DNAJC10: variants seen among roughly 807,000 people sequenced by gnomAD.
DNAJC10 encodes DnaJ heat shock protein family (Hsp40) member C10, also known as endoplasmic reticulum disulfide reductase DNAJC10.
DNAJC10 carries 101 observed loss-of-function variants against 115.0 expected under a neutral mutation model. That is an observed-to-expected ratio of 0.88 (90% CI 0.75 to 1.04). DNAJC10 has a LOEUF of 1.04. DNAJC10 is among the 50% of genes least tolerant of loss of function. The probability of loss-of-function intolerance (pLI) is 0.00; values close to 1 mark genes in which losing one functional copy is unlikely to be tolerated. For synonymous variants in DNAJC10, 307 were observed against 301.5 expected (o/e 1.02, Z -0.19); for missense variants, 981 against 928.8 (o/e 1.06, Z -0.73).
intron 16 of DNAJC10, among the ~76,000 whole-genome samples, chr2:182,752,810 T>C (rs531405185): frequency 2.0e-5 from 3 of 152,124 alleles, no homozygotes; most frequent in African/African-American, 4.8e-5. Context: ...AGTGACACCA[T>C]GGATATGAAA....
At chr2:182,737,483 T>G (rs1246902186) in intron 11 of DNAJC10, among the ~76,000 whole-genome samples, 1 of 152,194 alleles carries the variant, frequency 6.6e-6, no homozygotes, top group Non-Finnish European at 1.5e-5. Context: ...CATCCAGATC[T>G]CTACTGAAAT....
intron 6 of DNAJC10, 33 bp downstream of exon 6, chr2:182,728,691 T>G: frequency 1.9e-6 from 3 of 1,566,710 alleles, no homozygotes; most frequent in Non-Finnish European, 2.6e-6. Context: ...TTACTAGTTT[T>G]ATTTCTAATT....
rs909339498 is a variant in DNAJC10 at position 182,791,013 on chromosome 2, T to C, written c.*13881T>C. On this transcript the variant is annotated 3_prime_UTR_variant, in exon 24 of 24. Coordinates refer to ENST00000264065, the MANE Select transcript of DNAJC10 (RefSeq NM_018981.4). ...TCACTATTTTGATATTTAAATGTTA[T>C]GACTTATTTTCAAGTAAATATTTTT... 6.6e-6 allele frequency: 1 copy of C among 152,160 alleles called. No individual in the cohort carries two copies. The highest frequency in any genetic ancestry group is 1.5e-5 in the Non-Finnish European group (1 of 68,024). The allele number at this position is 152,160 out of a possible 1,614,324, so 9.4% of individuals were successfully genotyped here. A position where few individuals can be genotyped will look rare whatever the true frequency, so the allele number is the denominator to read the frequency against.
At chr2:182,755,584 A>G (rs1177460752) in intron 17 of DNAJC10, among the ~76,000 whole-genome samples, 1 of 151,994 alleles carries the variant, frequency 6.6e-6, no homozygotes, top group African/African-American at 2.4e-5. Flanking sequence ...CCTCTGACGT[A>G]ATGTTTTGTC....
chr2:182,771,535 T>C (rs1694563728), intron 22 of DNAJC10, among the ~76,000 whole-genome samples: 1 of 152,220 alleles, frequency 6.6e-6, no homozygotes. Flanking sequence ...GAAATTCATC[T>C]TCTTCCTGGT....
Position 182,792,403 on chromosome 2 carries a change from A to G in DNAJC10, c.*15271A>G, listed in dbSNP as rs1037577873. On this transcript the variant is annotated 3_prime_UTR_variant, in exon 24 of 24. Transcript: ENST00000264065. ...ATATTCCAATTTCTTTCCTTCCCCA[A>G]GGCTTTTCATTACAGCTGTTATAAA... is the stretch of plus-strand genomic sequence containing the variant. 1.3e-5 allele frequency: 2 copies of G among 152,168 alleles called. No homozygotes were observed. The highest frequency in any genetic ancestry group is 4.8e-5 in the African/African-American group (2 of 41,438). The allele number at this position is 152,168 out of a possible 1,614,324, so 9.4% of individuals were successfully genotyped here.
At chr2:182,751,609 A>T (rs1283273553) in intron 14 of DNAJC10, 49 bp from the exon 15 acceptor site, 2 of 1,590,296 alleles carry the variant, frequency 1.3e-6, no homozygotes, top group Non-Finnish European at 1.7e-6. Flanking sequence ...GTCTCTGTGC[A>T]TACAAAAAGC....
intron 16 of DNAJC10, 155 bp from the exon 17 acceptor site, chr2:182,754,848 T>C: frequency 7.3e-7 from 1 of 1,371,108 alleles, no homozygotes; most frequent in Non-Finnish European, 9.6e-7. Flanking sequence ...ATAAGTCCTT[T>C]GCTAAATTTG....
intron 18 of DNAJC10, among the ~76,000 whole-genome samples, chr2:182,756,692 G>A (rs1045125398): frequency 6.0e-5 from 9 of 150,854 alleles, no homozygotes; most frequent in Non-Finnish European, 1.0e-4. Flanking sequence ...TTTTTTGGTC[G>A]GGTAGCAGGG....
chr2:182,729,155 A>T, intron 7 of DNAJC10, 161 bp downstream of exon 7: 6 of 643,934 alleles, frequency 9.3e-6, no homozygotes, highest in Non-Finnish European at 1.4e-5. Flanking sequence ...TGGATTATGA[A>T]TTTTTTTTTT....
intron 19 of DNAJC10, among the ~76,000 whole-genome samples, chr2:182,758,031 A>C (rs1344866019): frequency 6.6e-6 from 1 of 152,208 alleles, no homozygotes; most frequent in Non-Finnish European, 1.5e-5. Flanking sequence ...TAGTCTAGAC[A>C]AAAAGATAAG....
At position 182,752,066 on chromosome 2, in the gene DNAJC10, T is replaced by A; in HGVS notation, c.1435-6T>A. ...TCGGTGCTTATGAATATTTTTTCTT[T>A]CCTAGTGGTGTCCACCATGTCGAGC... On this transcript the variant is annotated splice_region_variant and splice_polypyrimidine_tract_variant and intron_variant, in intron 15 of 23. Coordinates refer to ENST00000264065, the MANE Select transcript of DNAJC10 (RefSeq NM_018981.4). The A allele has an allele frequency of 3.1e-6, 5 of 1,603,720 alleles. No homozygotes were observed. The South Asian group carries it at 5.6e-5, about 18-fold the overall frequency.
chr2:182,761,121 A>G (rs772230215), intron 21 of DNAJC10, among the ~76,000 whole-genome samples: 1 of 152,162 alleles, frequency 6.6e-6, no homozygotes, highest in African/African-American at 2.4e-5. Context: ...AAGAAATTCC[A>G]TGTCTTTAAG....
chr2:182,757,813 C>A lies in DNAJC10; in HGVS notation c.1931C>A (p.Ala644Asp). The stretch of plus-strand genomic sequence containing the variant: ...TTTTTTCCCCCAAAATCAAATAAAG[C>A]TTATCATTATCAGTAAGTATTCTCT... ...IRFFPPKSNK[A>D]YHYHSYNGWN... The change falls in exon 19 of 24, where the codon GCT (alanine) becomes GAT (aspartate). Residue 644 changes from alanine to aspartate, a missense_variant. Transcript: ENST00000264065. 6.7e-7 allele frequency: 1 copy of A among 1,493,550 alleles called. No homozygotes were observed. Among genetic ancestry groups the A allele is most frequent in the East Asian group, 2.3e-5 (1 of 44,024 alleles). 92.5% of individuals were successfully genotyped at this position (1,493,550 alleles called of 1,614,324 possible).
chr2:182,754,903 T>C, intron 16 of DNAJC10, 100 bp from the exon 17 acceptor site: 2 of 1,283,168 alleles, frequency 1.6e-6, no homozygotes, highest in Non-Finnish European at 2.1e-6. Context: ...AATGGGTTTT[T>C]AAAATCTTGT....
intron 7 of DNAJC10, 25 bp from the exon 8 acceptor site, chr2:182,729,823 T>A (rs1360409166): frequency 6.8e-7 from 1 of 1,465,034 alleles, no homozygotes; most frequent in Admixed American, 2.2e-5. Flanking sequence ...GTAAAAGATG[T>A]TTCTCTTCTT....
At chr2:182,775,209 A>G in intron 22 of DNAJC10, 107 bp from the exon 23 acceptor site, 1 of 731,590 alleles carries the variant, frequency 1.4e-6, no homozygotes, top group Non-Finnish European at 2.3e-6. Flanking sequence ...CAAACACTTC[A>G]AGTTTTGGAA....
rs1026885089 is a variant in DNAJC10 at position 182,788,471 on chromosome 2, T to C, written c.*11339T>C. 1.9e-5 allele frequency: 4 copies of C among 208,710 alleles called. No homozygotes were observed. Among genetic ancestry groups the C allele is most frequent in the Non-Finnish European group, 2.9e-5 (3 of 103,774 alleles). 12.9% of individuals were successfully genotyped at this position (208,710 alleles called of 1,614,324 possible). A position where few individuals can be genotyped will look rare whatever the true frequency, so the allele number is the denominator to read the frequency against. On this transcript the variant is annotated 3_prime_UTR_variant, in exon 24 of 24. Transcript: ENST00000264065. ...GAACTGTAAATCATCAAATAAGTTA[T>C]AAAACCACCAAAAAATAGGAGAAAA...
chr2:182,720,702 C>A (rs1004323060), intron 4 of DNAJC10, among the ~76,000 whole-genome samples: 4 of 152,060 alleles, frequency 2.6e-5, no homozygotes, highest in Admixed American at 6.5e-5. Context: ...CAGAATGTGT[C>A]CCATTAGTAA....
Sources: gnomAD v4.1 joint callset for allele counts (sites outside exome capture counted in the v4.1 genomes callset) on GRCh38, gnomAD v4.1.1 for gene constraint, MANE v1.5 for transcripts, NCBI Gene and HGNC (gene_info 2026-07-23, HGNC 2026-07-21) for gene names.